Variants in DOCK1 observed in about 807,000 individuals in gnomAD.
The protein encoded by DOCK1 is dedicator of cytokinesis protein 1.
DOCK1 carries 138 observed loss-of-function variants against 262.7 expected under a neutral mutation model. The ratio of observed to expected loss-of-function variants is 0.53; its 90% confidence interval spans 0.46 to 0.61. The LOEUF is 0.61. Among genes scored for constraint, DOCK1 ranks in the 20% least tolerant of loss-of-function variants. The pLI, the probability that DOCK1 is intolerant of heterozygous loss-of-function variation, is 0.00. For missense variants in DOCK1, 1,908 were observed against 2,370.7 expected (o/e 0.80, Z 4.05); for synonymous variants, 866 against 867.4 (o/e 1.00, Z 0.03).
chr10:127,049,681 A>G (rs1274830909), intron 21 of DOCK1, among the ~76,000 whole-genome samples: 1 of 152,216 alleles, frequency 6.6e-6, no homozygotes, highest in Non-Finnish European at 1.5e-5. Context: ...TTCAAATTAT[A>G]GTTTGAACAC....
chr10:127,083,807 C>G (rs1462033595), intron 23 of DOCK1, among the ~76,000 whole-genome samples: 1 of 152,162 alleles, frequency 6.6e-6, no homozygotes, highest in Non-Finnish European at 1.5e-5. Context: ...TTTCTGCCCC[C>G]TTAGTATATT....
Position 126,995,494 on chromosome 10 carries a change from G to T in DOCK1, c.474-1254G>T, listed in dbSNP as rs940209833. On this transcript the variant is annotated intron_variant, in intron 6 of 51. Coordinates refer to ENST00000623213, the MANE Select transcript of DOCK1 (RefSeq NM_001290223.2). The surrounding 1 kb of genome is among the most constrained non-coding windows in gnomAD (Gnocchi z 5.8). ...TCTCCATCAAAAAATACGAAAACCA[G>T]TCAGGTGTGGCGGCGCGCGCCTGCA... Among the ~76,000 whole-genome samples the T allele has an allele frequency of 9.9e-5, 15 of 152,222 alleles. No homozygotes were observed. The highest frequency in any genetic ancestry group is 3.4e-4 in the African/African-American group (14 of 41,476).
chr10:127,344,827 T>C (rs1334296220), intron 31 of DOCK1, among the ~76,000 whole-genome samples: 1 of 152,032 alleles, frequency 6.6e-6, no homozygotes, highest in Non-Finnish European at 1.5e-5. Context: ...TACCTGTGAA[T>C]TGCCATGCAC....
chr10:126,945,458 A>AGAGAGAGAGAGAGG (rs1315589307), intron 1 of DOCK1, among the ~76,000 whole-genome samples: 2 of 143,012 alleles, frequency 1.4e-5, no homozygotes, highest in African/African-American at 4.9e-5. Flanking sequence ...AAGGGGAAAG[A>AGAGAGAGAGAGAGG]GAGAGAGAGA....
chr10:127,000,478 G>T, intron 10 of DOCK1, 171 bp downstream of exon 10: 2 of 1,003,240 alleles, frequency 2.0e-6, no homozygotes, highest in Non-Finnish European at 2.8e-6. Flanking sequence ...AAGTTGACCT[G>T]CTAGGCTCAG....
At chr10:127,101,143 G>T (rs1175923845) in intron 23 of DOCK1, among the ~76,000 whole-genome samples, 1 of 152,052 alleles carries the variant, frequency 6.6e-6, no homozygotes, top group African/African-American at 2.4e-5. Flanking sequence ...CTGGAGTCTT[G>T]TGTTTGGTTT....
intron 1 of DOCK1, among the ~76,000 whole-genome samples, chr10:126,950,435 G>A (rs985484398): frequency 1.3e-5 from 2 of 152,006 alleles, no homozygotes; most frequent in African/African-American, 4.8e-5. Context: ...CTTTAGACTG[G>A]GGTTCCATTC....
At chr10:126,994,890 G>T (rs1208923278) in intron 6 of DOCK1, among the ~76,000 whole-genome samples, 2 of 151,728 alleles carry the variant, frequency 1.3e-5, no homozygotes, top group Non-Finnish European at 2.9e-5. Context: ...TCCCAGACGG[G>T]GCGGCCGGGC....
At chr10:126,934,783 A>G (rs1255447934) in intron 1 of DOCK1, among the ~76,000 whole-genome samples, 2 of 107,396 alleles carry the variant, frequency 1.9e-5, no homozygotes, top group Non-Finnish European at 3.5e-5. Context: ...TCTTCTTGAT[A>G]AAGCCCTGTG....
At chr10:127,270,558 C>T (rs2060526791) in intron 29 of DOCK1, among the ~76,000 whole-genome samples, 1 of 143,220 alleles carries the variant, frequency 7.0e-6, no homozygotes, top group South Asian at 2.6e-4. Context: ...TTCCTTCCTT[C>T]CTTCCTCTTT....
intron 41 of DOCK1, 65 bp downstream of exon 41, chr10:127,409,243 G>C: frequency 6.2e-7 from 1 of 1,612,186 alleles, no homozygotes; most frequent in Non-Finnish European, 8.5e-7. Flanking sequence ...GGGTGGTTGG[G>C]TGTGGTGGGG....
chr10:126,959,269 T>G (rs2037000506), intron 1 of DOCK1, among the ~76,000 whole-genome samples: 1 of 152,204 alleles, frequency 6.6e-6, no homozygotes, highest in African/African-American at 2.4e-5. Context: ...TCTAGCTATG[T>G]TAATAGAGAT....
chr10:127,190,677 C>A (rs1275101494), intron 27 of DOCK1, among the ~76,000 whole-genome samples: 2 of 44,202 alleles, frequency 4.5e-5, no homozygotes, highest in African/African-American at 8.0e-5. Context: ...CCCCCCCCCC[C>A]CCCCCCGTTC....
At chr10:127,375,636 T>G (rs1255116601) in intron 35 of DOCK1, among the ~76,000 whole-genome samples, 1 of 152,260 alleles carries the variant, frequency 6.6e-6, no homozygotes, top group Admixed American at 6.5e-5. Context: ...CAGTGCTGGA[T>G]CTGTGCTTTG....
intron 38 of DOCK1, among the ~76,000 whole-genome samples, chr10:127,394,945 A>G (rs180700189): frequency 1.3e-5 from 2 of 152,304 alleles, no homozygotes; most frequent in Admixed American, 6.5e-5. Context: ...TGCAGGAGTG[A>G]TGCCTTCTTT....
rs778596637 is a variant in DOCK1 at position 127,451,323 on chromosome 10, GT to G, written c.5566-3del. 6.9e-6 allele frequency: 11 copies of G among 1,584,988 alleles called. No homozygotes were observed. Among genetic ancestry groups the G allele is most frequent in the African/African-American group, 1.3e-5 (1 of 74,166 alleles). Reference sequence around the variant, plus strand: ...TATGTGACATCTTCCCCATCCTCATGTTTTTTAGCATCTGCCACCTCCACTG... The same window carrying G: ...TATGTGACATCTTCCCCATCCTCATGTTTTTAGCATCTGCCACCTCCACTG... On this transcript the variant is annotated splice_region_variant and splice_polypyrimidine_tract_variant and intron_variant, in intron 51 of 51. Transcript: ENST00000623213.
In DOCK1 at chr10:127,226,759, A is replaced by T. The variant is rs188766532; in HGVS notation, c.2848-21249A>T. On this transcript the variant is annotated intron_variant, in intron 27 of 51. Coordinates refer to ENST00000623213, the MANE Select transcript of DOCK1 (RefSeq NM_001290223.2). ...ACTGGGTCTCAGAATGAAAACAAAC[A>T]AACAAACAAACAAAAAAAAGAGTGG... is the stretch of plus-strand genomic sequence containing the variant. Among the ~76,000 whole-genome samples the T allele has an allele frequency of 4.2e-4, 64 of 152,012 alleles. No homozygotes were observed. The East Asian group carries it at 0.01, about 24-fold the overall frequency.
At chr10:127,151,065 A>G (rs186967568) in intron 27 of DOCK1, among the ~76,000 whole-genome samples, 3 of 152,308 alleles carry the variant, frequency 2.0e-5, no homozygotes, top group East Asian at 3.9e-4. Context: ...TGATTTTTCA[A>G]TTAATGGACC....
At chr10:127,444,598 G>A (rs1040695132) in intron 50 of DOCK1, among the ~76,000 whole-genome samples, 4 of 152,152 alleles carry the variant, frequency 2.6e-5, no homozygotes, top group African/African-American at 9.7e-5. Context: ...AGAGCTGCAG[G>A]AGGCCGTGGG....
Sources: allele counts gnomAD v4.1 joint callset (sites outside exome capture counted in the v4.1 genomes callset), GRCh38; gene constraint gnomAD v4.1.1; non-coding constraint Gnocchi (gnomAD v3.1); transcripts MANE v1.5; gene names NCBI Gene and HGNC (gene_info 2026-07-23, HGNC 2026-07-21).